The following SEMA5A variants were observed in gnomAD, a reference collection of about 807,000 sequenced individuals.
SEMA5A encodes the protein semaphorin 5A.
SEMA5A carries 55 observed loss-of-function variants against 135.5 expected under a neutral mutation model. The ratio of observed to expected loss-of-function variants is 0.41; its 90% CI spans 0.33 to 0.51. The LOEUF is 0.51. Among genes scored for constraint, SEMA5A ranks in the 20% least tolerant of loss-of-function variants. SEMA5A has a pLI of 0.37. For synonymous variants in SEMA5A, 580 were observed against 546.5 expected, an observed-to-expected ratio of 1.06 and a Z score of -0.85; for missense variants, 1,290 against 1,419.9, an observed-to-expected ratio of 0.91 and a Z score of 1.47.
intron 14 of SEMA5A, among the ~76,000 whole-genome samples, chr5:9,120,732 A>G (rs1740768363): frequency 6.6e-6 from 1 of 152,122 alleles, no homozygotes; most frequent in Admixed American, 6.5e-5. Flanking sequence ...TGGTGCTTTC[A>G]AATTTGTTTG....
At chr5:9,059,041 C>T (rs181015909) in intron 18 of SEMA5A, among the ~76,000 whole-genome samples, 2 of 152,318 alleles carry the variant, frequency 1.3e-5, no homozygotes, top group Admixed American at 6.5e-5. Flanking sequence ...GAGTCTGTCC[C>T]TCCATTAGAT....
chr5:9,100,260 A>G (rs1012810064), intron 16 of SEMA5A, among the ~76,000 whole-genome samples: 1 of 152,128 alleles, frequency 6.6e-6, no homozygotes, highest in African/African-American at 2.4e-5. Flanking sequence ...TGTTTTCACA[A>G]AGCCAGGTGT....
chr5:9,475,199 T>A (rs550249718), intron 1 of SEMA5A, among the ~76,000 whole-genome samples: 2 of 152,370 alleles, frequency 1.3e-5, no homozygotes, highest in South Asian at 2.1e-4. Flanking sequence ...CCCAAAGTGC[T>A]GGGATTACAG....
At chr5:9,254,527 T>C (rs1473577067) in intron 5 of SEMA5A, among the ~76,000 whole-genome samples, 1 of 152,098 alleles carries the variant, frequency 6.6e-6, no homozygotes, top group Non-Finnish European at 1.5e-5. Context: ...TATGGCTGAA[T>C]GCCACAAGGA....
rs777696760 is a variant in SEMA5A, at chr5:9,041,471, T to G, written c.*1426A>C. 2 of 152,202 alleles carry G rather than the reference T, an allele frequency of 1.3e-5. No individual in the cohort carries two copies. Among genetic ancestry groups the G allele is most frequent in the Non-Finnish European group, 2.9e-5 (2 of 68,038 alleles). The allele number at this position is 152,202 out of a possible 1,614,324, so 9.4% of individuals were successfully genotyped here. On this transcript the variant is annotated 3_prime_UTR_variant, in exon 23 of 23. Coordinates refer to ENST00000382496, the MANE Select transcript of SEMA5A (RefSeq NM_003966.3). ...CCATAGGTTATGTATTGGTTGTTTG[T>G]GAGAAAATTATATATTTTTTTCCAG...
chr5:9,120,053 G>C (rs1740730098), intron 14 of SEMA5A, among the ~76,000 whole-genome samples: 1 of 151,790 alleles, frequency 6.6e-6, no homozygotes, highest in Non-Finnish European at 1.5e-5. Context: ...TTAACACGTT[G>C]CTCCTGCTAT....
chr5:9,340,493 C>A (rs979567022), intron 3 of SEMA5A, among the ~76,000 whole-genome samples: 2 of 152,176 alleles, frequency 1.3e-5, no homozygotes, highest in African/African-American at 4.8e-5. Flanking sequence ...AAGTGGCCAA[C>A]AGGAACCAGG....
chr5:9,266,746 C>G (rs1258338738), intron 5 of SEMA5A, among the ~76,000 whole-genome samples: 1 of 152,194 alleles, frequency 6.6e-6, no homozygotes, highest in Admixed American at 6.5e-5. Flanking sequence ...GCCCATGAAA[C>G]TCTAGCCAAC....
At chr5:9,289,676 A>T (rs1750981102) in intron 5 of SEMA5A, among the ~76,000 whole-genome samples, 1 of 152,146 alleles carries the variant, frequency 6.6e-6, no homozygotes, top group South Asian at 2.1e-4. Flanking sequence ...AATAAAAAAA[A>T]AAAAATCCAA....
At chr5:9,456,142 T>G (rs1039807479) in intron 1 of SEMA5A, among the ~76,000 whole-genome samples, 3 of 152,210 alleles carry the variant, frequency 2.0e-5, no homozygotes, top group Non-Finnish European at 4.4e-5. Context: ...AAGCAAATCT[T>G]TCTAGATTCC....
intron 8 of SEMA5A, among the ~76,000 whole-genome samples, chr5:9,215,391 T>A (rs1291713081): frequency 5.9e-5 from 9 of 152,162 alleles, no homozygotes; most frequent in Non-Finnish European, 1.3e-4. Context: ...AACCCCCAAT[T>A]TTCATGAATG....
At chr5:9,196,539 C>T (rs1195142380) in intron 10 of SEMA5A, among the ~76,000 whole-genome samples, 1 of 152,196 alleles carries the variant, frequency 6.6e-6, no homozygotes, top group Non-Finnish European at 1.5e-5. Context: ...TCCAAACTGA[C>T]TAATACACCT....
chr5:9,397,533 G>A (rs1307253201), intron 2 of SEMA5A, among the ~76,000 whole-genome samples: 11 of 152,264 alleles, frequency 7.2e-5, no homozygotes, highest in South Asian at 2.1e-4. Flanking sequence ...GGTCTTTAAG[G>A]TTATAATGAA....
At chr5:9,436,503 A>G (rs1405826832) in intron 2 of SEMA5A, among the ~76,000 whole-genome samples, 1 of 152,202 alleles carries the variant, frequency 6.6e-6, no homozygotes, top group Non-Finnish European at 1.5e-5. Flanking sequence ...CCCAGCTCTA[A>G]GACCCATTTA....
chr5:9,536,031 CAT>C (rs1737746639), intron 1 of SEMA5A, among the ~76,000 whole-genome samples: 1 of 152,174 alleles, frequency 6.6e-6, no homozygotes, highest in Non-Finnish European at 1.5e-5. Context: ...CTGCTCCTGT[CAT>C]AGCAGCAGCA....
intron 5 of SEMA5A, among the ~76,000 whole-genome samples, chr5:9,285,135 C>T (rs1750736226): frequency 1.3e-5 from 2 of 152,180 alleles, no homozygotes; most frequent in Admixed American, 6.5e-5. Flanking sequence ...AGCATTTATG[C>T]GTCATTCCAC....
At position 9,499,731 on chromosome 5, in the gene SEMA5A, C is replaced by G. The variant is rs1365207964; in HGVS notation, c.-175+45853G>C. 2.0e-5 allele frequency among the ~76,000 whole-genome samples: 3 copies of G among 152,038 alleles called. No homozygotes were observed. In the East Asian group the frequency reaches 5.8e-4, roughly 29 times the overall value. ...AGCAATAGCAGATAAATAACAAAAC[C>G]ACAACCCCATCTATACACAGATATT... On this transcript the variant is annotated intron_variant, in intron 1 of 22. Coordinates refer to ENST00000382496, the MANE Select transcript of SEMA5A (RefSeq NM_003966.3).
intron 16 of SEMA5A, among the ~76,000 whole-genome samples, chr5:9,099,183 G>T: frequency 6.6e-6 from 1 of 151,932 alleles, no homozygotes; most frequent in South Asian, 2.1e-4. Flanking sequence ...TCATTCTTAA[G>T]CTTGATTGCG....
intron 2 of SEMA5A, among the ~76,000 whole-genome samples, chr5:9,387,956 G>A (rs569206199): frequency 7.9e-5 from 12 of 152,160 alleles, no homozygotes; most frequent in Admixed American, 3.3e-4. Flanking sequence ...CACGTGTCTC[G>A]ATTGCCAAGT....
Sources: allele counts gnomAD v4.1 joint callset (sites outside exome capture counted in the v4.1 genomes callset), GRCh38; gene constraint gnomAD v4.1.1; transcripts MANE v1.5; gene names NCBI Gene and HGNC (gene_info 2026-07-23, HGNC 2026-07-21).